Variants in LRCH1 observed in about 807,000 individuals in gnomAD.
LRCH1 encodes leucine rich repeats and calponin homology domain containing 1, also known as leucine-rich repeat and calponin homology domain-containing protein 1.
In LRCH1, 23 loss-of-function variants were observed where a neutral mutation model predicts 94.9. That is an observed-to-expected ratio of 0.24 (90% CI 0.17 to 0.34). The LOEUF (loss-of-function observed/expected upper bound fraction) is 0.34. LRCH1 is among the 10% of genes least tolerant of loss of function. The probability of loss-of-function intolerance (pLI) is 1.00; values close to 1 mark genes in which losing one functional copy is unlikely to be tolerated. For synonymous variants in LRCH1, 364 were observed against 354.9 expected, an observed-to-expected ratio of 1.03 and a Z score of -0.29; for missense variants, 790 against 945.9, an observed-to-expected ratio of 0.84 and a Z score of 2.16.
intron 16 of LRCH1, among the ~76,000 whole-genome samples, chr13:46,718,217 A>T (rs1872419767): frequency 6.6e-6 from 1 of 152,218 alleles, no homozygotes; most frequent in Admixed American, 6.5e-5. Flanking sequence ...TTGAAAATTA[A>T]TCTTTAAGTT....
intron 2 of LRCH1, among the ~76,000 whole-genome samples, chr13:46,659,250 T>A (rs1468537047): frequency 6.6e-6 from 1 of 152,106 alleles, no homozygotes; most frequent in Non-Finnish European, 1.5e-5. Flanking sequence ...TGGAGTGCAG[T>A]GGCATGATCT....
Position 46,681,833 on chromosome 13 carries a change from A to G in LRCH1, c.672A>G (p.Lys224=), listed in dbSNP as rs781635364. The change falls in exon 4 of 20, where the codon AAA becomes AAG. Residue 224 remains lysine, a synonymous_variant. Coordinates refer to ENST00000389797, the MANE Select transcript of LRCH1 (RefSeq NM_001164211.2). ...RELNVRRNYL[K]VLPQELVDLS... is the part of the protein sequence containing the mutation. ...TGAATGTCAGAAGAAATTACCTTAA[A>G]GTTTTACCACAAGGTAAAAAAGAAA... 8.7e-6 allele frequency: 14 copies of G among 1,605,358 alleles called. No homozygotes were observed. Among genetic ancestry groups the G allele is most frequent in the Non-Finnish European group, 1.2e-5 (14 of 1,172,150 alleles).
Position 46,740,345 on chromosome 13 carries a change from G to A in LRCH1, c.2086-1297G>A, listed in dbSNP as rs568638981. Among the ~76,000 whole-genome samples, 9 of 152,208 alleles carry A rather than the reference G, an allele frequency of 5.9e-5. 1 individual carries two copies. The highest frequency in any genetic ancestry group is 1.9e-4 in the East Asian group (1 of 5,186). ...ATTCATCTTAAAAATATTTTGTTAA[G>A]AGTATCTCTAACTTCATTAATAAAA... is the stretch of plus-strand genomic sequence containing the variant. On this transcript the variant is annotated intron_variant, in intron 19 of 19. Coordinates refer to ENST00000389797, the MANE Select transcript of LRCH1 (RefSeq NM_001164211.2).
At chr13:46,693,665 A>G (rs1455165471) in intron 8 of LRCH1, among the ~76,000 whole-genome samples, 2 of 152,214 alleles carry the variant, frequency 1.3e-5, no homozygotes, top group South Asian at 4.1e-4. Context: ...TAATCATCAA[A>G]TGACCACTAA....
At chr13:46,600,368 T>C (rs2050614016) in intron 1 of LRCH1, among the ~76,000 whole-genome samples, 1 of 152,172 alleles carries the variant, frequency 6.6e-6, no homozygotes, top group South Asian at 2.1e-4. Context: ...GCTGGATTAT[T>C]TCAAGCCAAG....
chr13:46,630,479 A>AGATGT (rs1440186643), intron 1 of LRCH1, among the ~76,000 whole-genome samples: 1 of 152,222 alleles, frequency 6.6e-6, no homozygotes, highest in African/African-American at 2.4e-5. Context: ...CTGAATCTAA[A>AGATGT]GATGTATGTC....
rs1488647571 is a variant in LRCH1, at chr13:46,744,373, G to A, written c.*2525G>A. Reference sequence around the variant, plus strand: ...ACATTTTATTTTGAAATAGCCATTTGTATTCTCTTTCTCCAGTTTCTCCAA... The same window carrying A: ...ACATTTTATTTTGAAATAGCCATTTATATTCTCTTTCTCCAGTTTCTCCAA... On this transcript the variant is annotated 3_prime_UTR_variant, in exon 20 of 20. Transcript: ENST00000389797. 2.0e-6 allele frequency: 2 copies of A among 985,266 alleles called. No homozygotes were observed. The highest frequency in any genetic ancestry group is 3.5e-5 in the African/African-American group (2 of 57,216). 61.0% of individuals were successfully genotyped at this position (985,266 alleles called of 1,614,324 possible).
rs368442517 is a variant in LRCH1 at position 46,553,679 on chromosome 13, G to T, written c.283G>T (p.Asp95Tyr). The T allele has an allele frequency of 7.2e-5, 116 of 1,609,870 alleles. No homozygotes were observed. The highest frequency in any genetic ancestry group is 9.5e-5 in the Non-Finnish European group (112 of 1,179,274). Residue 95 changes from aspartate (D) to tyrosine (Y), a missense_variant, in exon 1 of 20, where the codon GAC becomes TAC. Transcript: ENST00000389797. ...EFPRTAAPGH[D>Y]LSDTVQADLS... is the part of the protein sequence containing the mutation. ...TCCCCGTACCGCAGCCCCCGGGCAC[G>T]ACCTCTCGGACACGGTGCAGGCAGG...
intron 3 of LRCH1, among the ~76,000 whole-genome samples, chr13:46,678,219 T>C (rs9534464): frequency 0.082 from 12,423 of 152,268 alleles, 637 homozygotes; most frequent in East Asian, 0.21. Context: ...TCTAGAAATA[T>C]TGCTTTTACA....
intron 1 of LRCH1, among the ~76,000 whole-genome samples, chr13:46,558,885 A>T (rs939888245): frequency 6.6e-6 from 1 of 152,166 alleles, no homozygotes; most frequent in East Asian, 1.9e-4. Context: ...ATGACCCTTT[A>T]ATTGAGGACT....
At position 46,681,724 on chromosome 13, in the gene LRCH1, C is replaced by T; in HGVS notation, c.580-17C>T. The T allele has an allele frequency of 6.5e-7, 1 of 1,540,882 alleles. No homozygotes were observed. Among genetic ancestry groups the T allele is most frequent in the Non-Finnish European group, 9.0e-7 (1 of 1,113,528 alleles). On this transcript the variant is annotated splice_polypyrimidine_tract_variant and intron_variant, in intron 3 of 19. Transcript: ENST00000389797. ...GGAAAAAGATGTTTATTATTTCTCT[C>T]TCTGCTTTTGATACAGGATGTCAGC...
chr13:46,573,720 T>C (rs1240952420), intron 1 of LRCH1, among the ~76,000 whole-genome samples: 1 of 150,698 alleles, frequency 6.6e-6, no homozygotes, highest in Non-Finnish European at 1.5e-5. Flanking sequence ...AGTAGAATGA[T>C]GGTTACCAGA....
chr13:46,650,722 CAAAAAAA>C (rs756410319), intron 2 of LRCH1, among the ~76,000 whole-genome samples: 93 of 58,244 alleles, frequency 1.6e-3, no homozygotes, highest in Non-Finnish European at 3.0e-3. Context: ...AAACAAGGAG[CAAAAAAA>C]AAAAAAAAAA....
intron 1 of LRCH1, among the ~76,000 whole-genome samples, chr13:46,569,293 A>T (rs185746207): frequency 1.6e-3 from 242 of 152,250 alleles, no homozygotes; most frequent in Non-Finnish European, 2.3e-3. Context: ...ACACGATCTT[A>T]TTTCTCCTCT....
rs746902174 is a variant in LRCH1 at position 46,687,901 on chromosome 13, C to T, written c.872C>T (p.Ala291Val). 1.2e-6 allele frequency: 2 copies of T among 1,613,074 alleles called. No homozygotes were observed. Among genetic ancestry groups the T allele is most frequent in the Non-Finnish European group, 1.7e-6 (2 of 1,179,282 alleles). The change falls in exon 6 of 20, where the codon GCA (alanine) becomes GTA (valine). Residue 291 changes from alanine (A) to valine (V), a missense_variant. Coordinates refer to ENST00000389797, the MANE Select transcript of LRCH1 (RefSeq NM_001164211.2). ...VHIFKYLSIQ[A>V]CQIKTADSLY... Reference sequence around the variant, plus strand: ...ATATTTAAGTATCTGAGCATACAAGCATGCCAGATTAAGACAGCTGACTCC... The same window carrying T: ...ATATTTAAGTATCTGAGCATACAAGTATGCCAGATTAAGACAGCTGACTCC...
chr13:46,671,249 C>A (rs1257454404), intron 3 of LRCH1, among the ~76,000 whole-genome samples: 1 of 152,234 alleles, frequency 6.6e-6, no homozygotes, highest in African/African-American at 2.4e-5. Flanking sequence ...TTCCCAGATC[C>A]TCCAAGCCTG....
intron 5 of LRCH1, among the ~76,000 whole-genome samples, chr13:46,686,470 C>T (rs903416183): frequency 6.6e-6 from 1 of 152,106 alleles, no homozygotes; most frequent in Non-Finnish European, 1.5e-5. Flanking sequence ...GAAGTCAGAT[C>T]ATTTCTTTAT....
At chr13:46,680,730 A>G (rs1393448416) in intron 3 of LRCH1, among the ~76,000 whole-genome samples, 2 of 152,248 alleles carry the variant, frequency 1.3e-5, no homozygotes, top group Non-Finnish European at 1.5e-5. Context: ...AGACCTCATC[A>G]TAGATACTGG....
chr13:46,650,483 A>G (rs1306215584), intron 2 of LRCH1, 138 bp downstream of exon 2: 10 of 631,900 alleles, frequency 1.6e-5, no homozygotes, highest in African/African-American at 3.7e-5. Flanking sequence ...GTTTTAAGTA[A>G]TAACTTTTCT....
Sources: gnomAD v4.1 joint callset for allele counts (sites outside exome capture counted in the v4.1 genomes callset) on GRCh38, gnomAD v4.1.1 for gene constraint, MANE v1.5 for transcripts, NCBI Gene and HGNC (gene_info 2026-07-23, HGNC 2026-07-21) for gene names.